ZC3H14: variants seen among roughly 807,000 people sequenced by gnomAD.
The protein encoded by ZC3H14 is zinc finger CCCH domain-containing protein 14.
ZC3H14 carries 31 observed loss-of-function variants against 92.4 expected under a neutral mutation model. That is an observed-to-expected ratio of 0.34 (90% confidence interval 0.25 to 0.45). The LOEUF (loss-of-function observed/expected upper bound fraction) is 0.45. Ranked by LOEUF, ZC3H14 falls within the 20% of genes least tolerant of loss-of-function variation. The pLI is 1.00. For synonymous variants in ZC3H14, 321 were observed against 300.9 expected (o/e 1.07, Z -0.69); for missense variants, 781 against 897.3 (o/e 0.87, Z 1.66).
At chr14:88,602,784 T>A in intron 11 of ZC3H14, 44 bp from the exon 12 acceptor site, 1 of 1,598,018 alleles carries the variant, frequency 6.3e-7, no homozygotes, top group African/African-American at 1.3e-5. Flanking sequence ...CAGCGTTTTG[T>A]GTTTGTTTCC....
chr14:88,571,416 A>G (rs956106093), intron 4 of ZC3H14, among the ~76,000 whole-genome samples: 1 of 152,196 alleles, frequency 6.6e-6, no homozygotes. Context: ...AAACAATTTA[A>G]AAGTTCAGTC....
chr14:88,620,360 T>C lies in ZC3H14; in HGVS notation c.*8609T>C, dbSNP rs1176640409. The C allele has an allele frequency of 6.3e-6, 1 of 159,622 alleles. No homozygotes were observed. The highest frequency in any genetic ancestry group is 1.8e-4 in the East Asian group (1 of 5,470). 9.9% of individuals were successfully genotyped at this position (159,622 alleles called of 1,614,324 possible). A position where few individuals can be genotyped will look rare whatever the true frequency, so the allele number is the denominator to read the frequency against. On this transcript the variant is annotated 3_prime_UTR_variant, in exon 17 of 17. Transcript: ENST00000251038. This position sits in a 1 kb window ranked among gnomAD's most constrained non-coding sequence, Gnocchi z 4.3. ...GTATTGATTAAATTAATGAACTACATATTCCCAAACTGAGGTTACTAAGAG... is the reference window on the plus strand; with the variant it reads ...GTATTGATTAAATTAATGAACTACACATTCCCAAACTGAGGTTACTAAGAG...
chr14:88,580,493 A>G (rs2081777159), intron 9 of ZC3H14, among the ~76,000 whole-genome samples: 3 of 152,338 alleles, frequency 2.0e-5, no homozygotes, highest in South Asian at 4.1e-4. Context: ...TTAAAAATAA[A>G]TAAAATTAAA....
Position 88,616,549 on chromosome 14 carries a change from A to G in ZC3H14, c.*4798A>G, listed in dbSNP as rs1207193728. On this transcript the variant is annotated 3_prime_UTR_variant, in exon 17 of 17. Transcript: ENST00000251038. The stretch of plus-strand genomic sequence containing the variant: ...GTAGGATGGTTCCAAAGATGGTATT[A>G]CTCGAGGGAGAGGATTTGTTTCTAA... 1.7e-5 allele frequency: 11 copies of G among 647,756 alleles called. No homozygotes were observed. The highest frequency in any genetic ancestry group is 2.8e-5 in the Non-Finnish European group (11 of 386,432). 40.1% of individuals were successfully genotyped at this position (647,756 alleles called of 1,614,324 possible).
rs763418641 is a variant in ZC3H14, at chr14:88,563,105, A to G, written c.-29A>G. ...CCTCCGGGTAAGCCAAGCGCCGCGC[A>G]GTGCTGAGTTCCCGCACGCCGCAGA... On this transcript the variant is annotated 5_prime_UTR_variant, in exon 1 of 17. Coordinates refer to ENST00000251038, the MANE Select transcript of ZC3H14 (RefSeq NM_024824.5). The G allele has an allele frequency of 5.7e-6, 9 of 1,577,326 alleles. No homozygotes were observed. The Admixed American group carries it at 1.4e-4, about 25-fold the overall frequency.
chr14:88,607,223 T>C lies in ZC3H14; in HGVS notation c.1748-20T>C. 6.2e-7 allele frequency: 1 copy of C among 1,614,064 alleles called. No individual in the cohort carries two copies. The highest frequency in any genetic ancestry group is 2.2e-5 in the East Asian group (1 of 44,872). ...TTGATCATAATGAATGAAATACTTT[T>C]ATTTCCTTTCCCTTTGTAGCTGAGA... On this transcript the variant is annotated intron_variant, in intron 12 of 16. Coordinates refer to ENST00000251038, the MANE Select transcript of ZC3H14 (RefSeq NM_024824.5).
At chr14:88,573,108 C>CA in intron 6 of ZC3H14, 101 bp downstream of exon 6, 1 of 1,342,844 alleles carries the variant, frequency 7.4e-7, no homozygotes, top group South Asian at 1.2e-5. Flanking sequence ...AGGCTGGGCA[C>CA]AGTGGCTCAC....
In ZC3H14 at chr14:88,616,544, G is replaced by A. The variant is rs1031264084; in HGVS notation, c.*4793G>A. Reference sequence around the variant, plus strand: ...CTTTTGTAGGATGGTTCCAAAGATGGTATTACTCGAGGGAGAGGATTTGTT... The same window carrying A: ...CTTTTGTAGGATGGTTCCAAAGATGATATTACTCGAGGGAGAGGATTTGTT... On this transcript the variant is annotated 3_prime_UTR_variant, in exon 17 of 17. Coordinates refer to ENST00000251038, the MANE Select transcript of ZC3H14 (RefSeq NM_024824.5). 3.2e-6 allele frequency: 2 copies of A among 630,134 alleles called. No individual in the cohort carries two copies. Among genetic ancestry groups the A allele is most frequent in the Non-Finnish European group, 2.7e-6 (1 of 371,504 alleles). The allele number at this position is 630,134 out of a possible 1,614,324, so 39.0% of individuals were successfully genotyped here. A position where few individuals can be genotyped will look rare whatever the true frequency, so the allele number is the denominator to read the frequency against.
In ZC3H14 at chr14:88,618,414, T is replaced by C; in HGVS notation, c.*6663T>C. The C allele has an allele frequency of 8.0e-7, 1 of 1,243,750 alleles. No individual in the cohort carries two copies. 77.0% of individuals were successfully genotyped at this position (1,243,750 alleles called of 1,614,324 possible). On this transcript the variant is annotated 3_prime_UTR_variant, in exon 17 of 17. Transcript: ENST00000251038. ...AGGGGGTTTACAGAATACTAGCATATTGCTACTTGATTTACATGTCTAACA... is the reference window on the plus strand; with the variant it reads ...AGGGGGTTTACAGAATACTAGCATACTGCTACTTGATTTACATGTCTAACA...
Position 88,627,537 on chromosome 14 carries a change from A to G in ZC3H14, c.*15786A>G. The stretch of plus-strand genomic sequence containing the variant: ...TGTACAGTATATTGCATAGGCCTCC[A>G]CTGAATGATTGTTTCAACCACCAAC... On this transcript the variant is annotated 3_prime_UTR_variant, in exon 17 of 17. Transcript: ENST00000251038. 1 of 1,126,244 alleles carries G rather than the reference A, an allele frequency of 8.9e-7. No homozygotes were observed. Among genetic ancestry groups the G allele is most frequent in the Non-Finnish European group, 1.2e-6 (1 of 808,504 alleles). 69.8% of individuals were successfully genotyped at this position (1,126,244 alleles called of 1,614,324 possible).
At chr14:88,592,639 T>G (rs1161525807) in intron 9 of ZC3H14, among the ~76,000 whole-genome samples, 1 of 151,558 alleles carries the variant, frequency 6.6e-6, no homozygotes, top group East Asian at 2.0e-4. Context: ...TAGCTGGAAT[T>G]ACAGGCATAT....
In ZC3H14 at chr14:88,610,684, GT is replaced by G; in HGVS notation, c.2098-149del. ...ACAGGCTTGGTAGCACACGCCTGTA[GT>G]CCCAGCTACTCGGGAGACTGAGGCA... On this transcript the variant is annotated intron_variant, in intron 15 of 16. Transcript: ENST00000251038. 4.2e-6 allele frequency: 3 copies of G among 720,828 alleles called. No homozygotes were observed. The South Asian group carries it at 4.8e-5, about 11-fold the overall frequency. 44.7% of individuals were successfully genotyped at this position (720,828 alleles called of 1,614,324 possible).
chr14:88,588,499 G>A (rs1293938486), intron 9 of ZC3H14, among the ~76,000 whole-genome samples: 1 of 152,084 alleles, frequency 6.6e-6, no homozygotes, highest in Non-Finnish European at 1.5e-5. Flanking sequence ...CAGTGTTGAT[G>A]CTGAGAACTT....
rs2083702335 is a variant in ZC3H14 at position 88,595,584 on chromosome 14, G to GT, written c.1280-1143dup. On this transcript the variant is annotated intron_variant, in intron 9 of 16. Coordinates refer to ENST00000251038, the MANE Select transcript of ZC3H14 (RefSeq NM_024824.5). ...TTCGTTACAGTTCCTCAGAATGTGT[G>GT]TTTTTTTATGGTAATAATTCTGGAA... Among the ~76,000 whole-genome samples, 4 of 152,208 alleles carry GT rather than the reference G, an allele frequency of 2.6e-5. No individual in the cohort carries two copies. The South Asian group carries it at 6.2e-4, about 24-fold the overall frequency.
intron 13 of ZC3H14, chr14:88,608,871 G>C: frequency 5.6e-6 from 1 of 177,694 alleles, no homozygotes; most frequent in Non-Finnish European, 1.2e-5. Flanking sequence ...AGGAAATGAT[G>C]TGGGAATAAT....
At position 88,620,127 on chromosome 14, in the gene ZC3H14, A is replaced by G. The variant is rs2088622728; in HGVS notation, c.*8376A>G. The G allele has an allele frequency of 6.6e-6, 1 of 152,196 alleles. No homozygotes were observed. The highest frequency in any genetic ancestry group is 1.5e-5 in the Non-Finnish European group (1 of 68,040). 9.4% of individuals were successfully genotyped at this position (152,196 alleles called of 1,614,324 possible). On this transcript the variant is annotated 3_prime_UTR_variant, in exon 17 of 17. Coordinates refer to ENST00000251038, the MANE Select transcript of ZC3H14 (RefSeq NM_024824.5). This position sits in a 1 kb window ranked among gnomAD's most constrained non-coding sequence, Gnocchi z 4.3. ...CCACTGTTACTATTTTATATATTGAAGTTCTGAGGAAGGTTTCATTTGTAA... is the reference window on the plus strand; with the variant it reads ...CCACTGTTACTATTTTATATATTGAGGTTCTGAGGAAGGTTTCATTTGTAA...
At chr14:88,582,091 T>C (rs2081973257) in intron 9 of ZC3H14, among the ~76,000 whole-genome samples, 1 of 152,188 alleles carries the variant, frequency 6.6e-6, no homozygotes, top group Non-Finnish European at 1.5e-5. Context: ...TTGCATAGCC[T>C]AAAATAGCCT....
At chr14:88,586,374 A>G (rs1029059379) in intron 9 of ZC3H14, among the ~76,000 whole-genome samples, 2 of 152,188 alleles carry the variant, frequency 1.3e-5, no homozygotes, top group Admixed American at 6.5e-5. Context: ...TCTGTTGGCA[A>G]TATATTTTCC....
rs771438247 is a variant in ZC3H14, at chr14:88,625,154, C to A, written c.*13403C>A. ...TGAAAAGGAGTGGGGGAGGGGGAGA[C>A]AAACTCATCAAAAGTTCAAATAGAG... On this transcript the variant is annotated 3_prime_UTR_variant, in exon 17 of 17. Coordinates refer to ENST00000251038, the MANE Select transcript of ZC3H14 (RefSeq NM_024824.5). 1.2e-6 allele frequency: 2 copies of A among 1,610,306 alleles called. No homozygotes were observed. The highest frequency in any genetic ancestry group is 8.5e-7 in the Non-Finnish European group (1 of 1,178,372).
Sources: allele counts gnomAD v4.1 joint callset (sites outside exome capture counted in the v4.1 genomes callset), GRCh38; gene constraint gnomAD v4.1.1; non-coding constraint Gnocchi (gnomAD v3.1); transcripts MANE v1.5; gene names NCBI Gene and HGNC (gene_info 2026-07-23, HGNC 2026-07-21).